Variants in RIIAD1 observed in about 807,000 individuals in gnomAD.
The protein encoded by RIIAD1 is regulatory subunit of type II PKA R-subunit domain containing 1.
Under a neutral mutation model 13.3 loss-of-function variants are expected in RIIAD1, and 15 were observed. The observed-to-expected ratio is 1.13, with a 90% CI of 0.76 to 1.74. The LOEUF is 1.74. Ranked by LOEUF, RIIAD1 falls within the 40% of genes most tolerant of loss-of-function variation. The pLI is 0.00. For missense variants in RIIAD1, 121 were observed against 112.2 expected, an observed-to-expected ratio of 1.08 and a Z score of -0.35; for synonymous variants, 50 against 43.3, an observed-to-expected ratio of 1.16 and a Z score of -0.61.
chr1:151,716,153 A>C, intron 4 of RIIAD1: 1 of 876,582 alleles, frequency 1.1e-6, no homozygotes, highest in Non-Finnish European at 1.7e-6. Flanking sequence ...GCCCCCAACC[A>C]CGCTGCTAAG....
At chr1:151,713,910 AG>A in intron 3 of RIIAD1, among the ~76,000 whole-genome samples, 2 of 152,202 alleles carry the variant, frequency 1.3e-5, no homozygotes, top group Non-Finnish European at 2.9e-5. Flanking sequence ...CTTGCAGGAG[AG>A]GGGCCACCTC....
chr1:151,712,930 C>T (rs899381731), intron 2 of RIIAD1, among the ~76,000 whole-genome samples: 6 of 152,162 alleles, frequency 3.9e-5, no homozygotes, highest in Admixed American at 2.6e-4. Flanking sequence ...TGCATGCACA[C>T]ACACACTGCA....
upstream of RIIAD1, among the ~76,000 whole-genome samples, chr1:151,719,151 G>A (rs1039326143): frequency 1.3e-5 from 2 of 152,202 alleles, no homozygotes; most frequent in African/African-American, 2.4e-5. Flanking sequence ...AAAGGTGTCA[G>A]TCTGAGAGAA....
chr1:151,715,584 T>G, intron 4 of RIIAD1: 2 of 1,391,554 alleles, frequency 1.4e-6, no homozygotes, highest in East Asian at 3.6e-5. Flanking sequence ...TGTCCCTCCA[T>G]TCTTTCTTGA....
At chr1:151,727,995 TTTAA>T (rs1352915905) in intron 3 of RIIAD1, among the ~76,000 whole-genome samples, 1 of 152,174 alleles carries the variant, frequency 6.6e-6, no homozygotes, top group Non-Finnish European at 1.5e-5. Flanking sequence ...GAGAGTTTTA[TTTAA>T]TTAGTCTGGG....
At chr1:151,714,710 G>A (rs894987322) in intron 4 of RIIAD1, 2 of 1,447,560 alleles carry the variant, frequency 1.4e-6, no homozygotes, top group Middle Eastern at 1.9e-4. Context: ...AACACGGCGG[G>A]GGGTGAGTCC....
At chr1:151,728,542 G>C (rs1467993796) in intron 3 of RIIAD1, 1 of 524,296 alleles carries the variant, frequency 1.9e-6, no homozygotes, top group African/African-American at 1.9e-5. Context: ...GCCAGCCTCT[G>C]GGAGCCCTTC....
chr1:151,722,886 A>G (rs2101508092), intron 2 of RIIAD1, among the ~76,000 whole-genome samples: 1 of 152,290 alleles, frequency 6.6e-6, no homozygotes, highest in South Asian at 2.1e-4. Context: ...ACTTTTGCTG[A>G]TCCTCCCAGC....
chr1:151,728,580 G>A, intron 3 of RIIAD1, 186 bp from the exon 4 acceptor site: 2 of 575,974 alleles, frequency 3.5e-6, no homozygotes, highest in Non-Finnish European at 6.2e-6. Context: ...GGCAGAATCA[G>A]AACTGCTCGG....
At chr1:151,715,118 G>A (rs878775) in intron 4 of RIIAD1, among the ~76,000 whole-genome samples, 1 of 151,666 alleles carries the variant, frequency 6.6e-6, no homozygotes, top group African/African-American at 2.4e-5. Flanking sequence ...GGTGGAGGAC[G>A]GAGAGTGAAA....
chr1:151,728,752 G>A lies in RIIAD1; in HGVS notation c.209-14G>A. 1 of 1,475,536 alleles carries A rather than the reference G, an allele frequency of 6.8e-7. No individual in the cohort carries two copies. Among genetic ancestry groups the A allele is most frequent in the Non-Finnish European group, 9.3e-7 (1 of 1,078,442 alleles). The allele number at this position is 1,475,536 out of a possible 1,614,324, so 91.4% of individuals were successfully genotyped here. A position where few individuals can be genotyped will look rare whatever the true frequency, so the allele number is the denominator to read the frequency against. On this transcript the variant is annotated splice_polypyrimidine_tract_variant and intron_variant, in intron 3 of 4. Transcript: ENST00000479191. ...TGGGTATAGATGATGTCTTCTTTTT[G>A]ATTTTTATCCCAGACTACTTCACGG...
rs946057986 is a variant in RIIAD1 at position 151,714,621 on chromosome 1, G to A, written c.21+92G>A. The A allele has an allele frequency of 8.3e-6, 13 of 1,559,416 alleles. No individual in the cohort carries two copies. The Middle Eastern group carries it at 5.0e-4, about 60-fold the overall frequency. ...CTGGAAGCGTCTTCTGTTCGTGCAGGGCGCTCTGGGCCTTCAGGGCTGAAT... is the reference window on the plus strand; with the variant it reads ...CTGGAAGCGTCTTCTGTTCGTGCAGAGCGCTCTGGGCCTTCAGGGCTGAAT... On this transcript the variant is annotated intron_variant, in intron 4 of 8. Coordinates refer to the RIIAD1 transcript ENST00000326413.
chr1:151,727,197 G>A (rs1165832295), intron 2 of RIIAD1, among the ~76,000 whole-genome samples: 1 of 152,182 alleles, frequency 6.6e-6, no homozygotes, highest in South Asian at 2.1e-4. Flanking sequence ...AGGATCTCTT[G>A]AGCCAGGGAG....
chr1:151,721,041 C>T (rs1012505487), upstream of RIIAD1, among the ~76,000 whole-genome samples: 1 of 152,316 alleles, frequency 6.6e-6, no homozygotes, highest in South Asian at 2.1e-4. Context: ...CAGAACGTTC[C>T]TTCCTTTGCA....
At chr1:151,728,689 A>C (rs1272229570) in intron 3 of RIIAD1, 77 bp from the exon 4 acceptor site, 5 of 849,760 alleles carry the variant, frequency 5.9e-6, no homozygotes, top group Non-Finnish European at 9.8e-6. Flanking sequence ...TTTTTGGTGG[A>C]GTAAGCTGTC....
chr1:151,714,874 T>C (rs940594675), intron 4 of RIIAD1, among the ~76,000 whole-genome samples: 8 of 152,126 alleles, frequency 5.3e-5, no homozygotes, highest in African/African-American at 1.9e-4. Flanking sequence ...GCCTAAATAC[T>C]GGTGGTGATG....
At chr1:151,714,647 C>T in intron 4 of RIIAD1, 1 of 1,561,752 alleles carries the variant, frequency 6.4e-7, no homozygotes, top group Non-Finnish European at 8.7e-7. Context: ...AGGGCTGAAT[C>T]CCGGGCACAG....
intron 4 of RIIAD1, chr1:151,715,769 T>C (rs1673428516): frequency 1.3e-6 from 2 of 1,595,824 alleles, no homozygotes; most frequent in Non-Finnish European, 8.5e-7. Flanking sequence ...TGAACTCTTC[T>C]CCTTCCACAT....
chr1:151,714,804 G>A (rs916015531), intron 4 of RIIAD1: 35 of 696,402 alleles, frequency 5.0e-5, no homozygotes, highest in African/African-American at 1.1e-4. Context: ...GCCTGCTGGG[G>A]TAGAGAGGTG....
Sources: allele counts gnomAD v4.1 joint callset (sites outside exome capture counted in the v4.1 genomes callset), GRCh38; gene constraint gnomAD v4.1.1; transcripts MANE v1.5; gene names NCBI Gene and HGNC (gene_info 2026-07-23, HGNC 2026-07-21).